SPDYA: variants seen among roughly 807,000 people sequenced by gnomAD.
SPDYA encodes speedy/RINGO cell cycle regulator family member A, also known as speedy protein A.
A neutral mutation model predicts 36.7 loss-of-function variants in SPDYA; 11 were observed. The ratio of observed to expected loss-of-function variants is 0.30; its 90% CI spans 0.19 to 0.50. The LOEUF (loss-of-function observed/expected upper bound fraction) is 0.50, where lower values mean the gene tolerates loss of function less well. Among genes scored for constraint, SPDYA ranks in the 20% least tolerant of loss-of-function variants. The pLI is 0.98. For synonymous variants in SPDYA, 115 were observed against 118.7 expected, an observed-to-expected ratio of 0.97 and a Z score of 0.20; for missense variants, 287 against 370.9, an observed-to-expected ratio of 0.77 and a Z score of 1.86.
rs909955904 is a variant in SPDYA at position 28,811,692 on chromosome 2, C to T, written c.-93+745C>T. On this transcript the variant is annotated intron_variant, in intron 1 of 7. Transcript: ENST00000334056. This position sits in a 1 kb window ranked among gnomAD's most constrained non-coding sequence, Gnocchi z 4.2. The stretch of plus-strand genomic sequence containing the variant: ...AAAAAATTAACCGGGCATGGTGGTG[C>T]GCACTTGTAATCCCAGCTACTTGGG... Among the ~76,000 whole-genome samples, 5 of 150,634 alleles carry T rather than the reference C, an allele frequency of 3.3e-5. No individual in the cohort carries two copies. The highest frequency in any genetic ancestry group is 1.3e-4 in the Admixed American group (2 of 15,104).
chr2:28,812,633 G>A lies in SPDYA; in HGVS notation c.-93+1686G>A, dbSNP rs539933695. 2.6e-5 allele frequency among the ~76,000 whole-genome samples: 4 copies of A among 151,946 alleles called. No individual in the cohort carries two copies. In the East Asian group the frequency reaches 5.8e-4, roughly 22 times the overall value. ...GCGCTTTGGGAGGCCGAGGCGGGCC[G>A]ATCACCTCAGGTCAGGAGTTGGAGA... On this transcript the variant is annotated intron_variant, in intron 1 of 7. Coordinates refer to ENST00000334056, the MANE Select transcript of SPDYA (RefSeq NM_182756.4).
chr2:28,830,162 T>C (rs1199203485), intron 6 of SPDYA, among the ~76,000 whole-genome samples: 2 of 150,762 alleles, frequency 1.3e-5, no homozygotes, highest in Non-Finnish European at 3.0e-5. Context: ...CAAATTGTCA[T>C]TTCTATTTTT....
At chr2:28,822,792 G>A (rs781356340) in intron 5 of SPDYA, among the ~76,000 whole-genome samples, 7 of 152,070 alleles carry the variant, frequency 4.6e-5, no homozygotes, top group Non-Finnish European at 8.8e-5. Flanking sequence ...ATTTTTAGTA[G>A]AGACGGGGTT....
rs116505843 is a variant in SPDYA at position 28,844,152 on chromosome 2, G to C, written c.850+3683G>C. 5.4e-3 allele frequency among the ~76,000 whole-genome samples: 821 copies of C among 152,294 alleles called. 6 individuals are homozygous for C. Among genetic ancestry groups the C allele is most frequent in the African/African-American group, 0.019 (776 of 41,542 alleles). On this transcript the variant is annotated intron_variant, in intron 7 of 7. Transcript: ENST00000334056. ...CAGGTTTAAAATTCTTACACTTAAT[G>C]AAGGTATAATTAGGGCATATAAGTT...
intron 7 of SPDYA, among the ~76,000 whole-genome samples, chr2:28,843,970 GA>G (rs1284471611): frequency 4.0e-5 from 6 of 150,230 alleles, no homozygotes; most frequent in Admixed American, 6.6e-5. Flanking sequence ...GAAGCCAAGG[GA>G]AAAAAAAATA....
Position 28,850,293 on chromosome 2 carries a change from A to C in SPDYA, c.*352A>C. ...AGTCATTATATTAATTAAAAGAAAA[A>C]ACACCATTTAATATGTTCTGAAAAC... On this transcript the variant is annotated 3_prime_UTR_variant, in exon 8 of 8. Transcript: ENST00000334056. 6.2e-7 allele frequency: 1 copy of C among 1,601,012 alleles called. No homozygotes were observed. The highest frequency in any genetic ancestry group is 8.5e-7 in the Non-Finnish European group (1 of 1,170,404).
In SPDYA at chr2:28,829,253, G is replaced by A. The variant is rs1187128719; in HGVS notation, c.486G>A (p.Lys162=). 1.9e-6 allele frequency: 3 copies of A among 1,614,012 alleles called. No individual in the cohort carries two copies. The highest frequency in any genetic ancestry group is 1.1e-5 in the South Asian group (1 of 91,084). The change falls in exon 6 of 8, where the codon AAG becomes AAA. Residue 162 remains lysine, a synonymous_variant. Transcript: ENST00000334056. ...GAAAATTGTTCCCTAATTTCTTAAA[G>A]TTAAGGGACCAGCTCTGGGATAGAA... is the stretch of plus-strand genomic sequence containing the variant. ...NWRKLFPNFL[K]LRDQLWDRID... is the part of the protein sequence containing the mutation.
rs769894123 is a variant in SPDYA at position 28,819,098 on chromosome 2, G to A, written c.286G>A (p.Ala96Thr). ...FLWMDCCCKI[A>T]DKYLLAMTFV... ...GTGGATGGACTGCTGCTGTAAAATT[G>A]CAGACAAGGTAAATTTGGTAACAGT... Residue 96 changes from alanine (A) to threonine (T), a missense_variant, in exon 4 of 8, where the codon GCA (alanine) becomes ACA (threonine). Physicochemically the swap from Ala to Thr is moderately conservative, Grantham distance 58 (BLOSUM62 0). Transcript: ENST00000334056. 8 of 1,610,818 alleles carry A rather than the reference G, an allele frequency of 5.0e-6. No individual in the cohort carries two copies. In the African/African-American group the frequency reaches 9.3e-5, roughly 19 times the overall value.
intron 5 of SPDYA, among the ~76,000 whole-genome samples, chr2:28,827,249 T>C (rs1668351799): frequency 6.6e-6 from 1 of 152,198 alleles, no homozygotes; most frequent in Non-Finnish European, 1.5e-5. Flanking sequence ...CAATCTTTGC[T>C]ATTTTCTATC....
Position 28,840,331 on chromosome 2 carries a change from G to C in SPDYA, c.712G>C (p.Val238Leu). 1 of 1,611,190 alleles carries C rather than the reference G, an allele frequency of 6.2e-7. No individual in the cohort carries two copies. Among genetic ancestry groups the C allele is most frequent in the Non-Finnish European group, 8.5e-7 (1 of 1,178,664 alleles). ...ACTCTGTGGTAAAAAAAGAAGATATGTTAGACTGGGATTGTCTTCATCATC... is the reference window on the plus strand; with the variant it reads ...ACTCTGTGGTAAAAAAAGAAGATATCTTAGACTGGGATTGTCTTCATCATC... Reference protein sequence around the residue: ...CSLCGKKRRYVRLGLSSSSSL... With the variant: ...CSLCGKKRRYLRLGLSSSSSL... The change falls in exon 7 of 8, where the codon GTT (valine) becomes CTT (leucine). Residue 238 changes from valine (V) to leucine (L), a missense_variant. Transcript: ENST00000334056.
chr2:28,815,419 T>A (rs186805542), intron 2 of SPDYA, among the ~76,000 whole-genome samples: 164 of 152,146 alleles, frequency 1.1e-3, no homozygotes, highest in Non-Finnish European at 1.7e-3. Flanking sequence ...TTTGCTAGAA[T>A]TGCTTTCAAC....
In SPDYA at chr2:28,822,310, C is replaced by T. The variant is rs1666713922; in HGVS notation, c.295-15C>T. 2 of 1,357,928 alleles carry T rather than the reference C, an allele frequency of 1.5e-6. No homozygotes were observed. Among genetic ancestry groups the T allele is most frequent in the Non-Finnish European group, 2.0e-6 (2 of 996,994 alleles). The allele number at this position is 1,357,928 out of a possible 1,614,324, so 84.1% of individuals were successfully genotyped here. ...GCAAAACATTAATATTAATTTTTAA[C>T]TTTTTTCCTTATAGTATCTTTTGGC... On this transcript the variant is annotated splice_polypyrimidine_tract_variant and intron_variant, in intron 4 of 7. Coordinates refer to ENST00000334056, the MANE Select transcript of SPDYA (RefSeq NM_182756.4).
chr2:28,833,626 T>C (rs1572508009), intron 6 of SPDYA, among the ~76,000 whole-genome samples: 1 of 152,248 alleles, frequency 6.6e-6, no homozygotes, highest in East Asian at 1.9e-4. Context: ...GAAAATGTAG[T>C]CTTTTCAACA....
intron 6 of SPDYA, among the ~76,000 whole-genome samples, chr2:28,838,423 C>T (rs1020482690): frequency 2.0e-5 from 3 of 151,870 alleles, no homozygotes; most frequent in Non-Finnish European, 2.9e-5. Flanking sequence ...TCAAGTGATC[C>T]GCACACCTCA....
intron 6 of SPDYA, among the ~76,000 whole-genome samples, chr2:28,830,994 T>C (rs531670593): frequency 4.6e-5 from 7 of 152,376 alleles, no homozygotes; most frequent in African/African-American, 1.7e-4. Context: ...ATTAACTTAT[T>C]CATTAATATA....
intron 5 of SPDYA, among the ~76,000 whole-genome samples, 169 bp downstream of exon 5, chr2:28,822,579 T>C (rs1668195138): frequency 6.6e-6 from 1 of 152,152 alleles, no homozygotes; most frequent in Non-Finnish European, 1.5e-5. Context: ...TTTTCACTTA[T>C]CATGCTATAT....
At position 28,840,319 on chromosome 2, in the gene SPDYA, A is replaced by G; in HGVS notation, c.700A>G (p.Lys234Glu). The change falls in exon 7 of 8, where the codon AAA becomes GAA. Residue 234 changes from lysine to glutamate, a missense_variant. Lys to Glu is a moderately conservative substitution (Grantham distance 56). Coordinates refer to ENST00000334056, the MANE Select transcript of SPDYA (RefSeq NM_182756.4). ...TPVDCSLCGK[K>E]RRYVRLGLSS... ...AGTAGATTGTTCACTCTGTGGTAAA[A>G]AAAGAAGATATGTTAGACTGGGATT... 2 of 1,611,606 alleles carry G rather than the reference A, an allele frequency of 1.2e-6. No homozygotes were observed. Among genetic ancestry groups the G allele is most frequent in the Non-Finnish European group, 1.7e-6 (2 of 1,178,986 alleles).
chr2:28,841,245 T>A (rs944699337), intron 7 of SPDYA, among the ~76,000 whole-genome samples: 1 of 152,100 alleles, frequency 6.6e-6, no homozygotes, highest in African/African-American at 2.4e-5. Flanking sequence ...AAAACCTGAT[T>A]TTTAATTCTG....
intron 4 of SPDYA, among the ~76,000 whole-genome samples, chr2:28,821,991 G>C (rs898928485): frequency 2.6e-5 from 4 of 152,150 alleles, no homozygotes; most frequent in Admixed American, 1.3e-4. Flanking sequence ...ATCTAAGTGA[G>C]GATGCATGGC....
Sources: gnomAD v4.1 joint callset for allele counts (sites outside exome capture counted in the v4.1 genomes callset) on GRCh38, gnomAD v4.1.1 for gene constraint, Gnocchi (gnomAD v3.1) non-coding constraint, MANE v1.5 for transcripts, NCBI Gene and HGNC (gene_info 2026-07-23, HGNC 2026-07-21) for gene names.